The following SPAG16 variants were observed in gnomAD, a reference collection of about 807,000 sequenced individuals.
SPAG16 encodes the protein sperm-associated antigen 16 protein.
In SPAG16, 86 loss-of-function variants were observed where a neutral mutation model predicts 80.4. That is an observed-to-expected ratio of 1.07 (90% confidence interval 0.90 to 1.28). The LOEUF is 1.28. Ranked by LOEUF, SPAG16 falls within the 50% of genes most tolerant of loss-of-function variation. The pLI, the probability that SPAG16 is intolerant of heterozygous loss-of-function variation, is 0.00. For synonymous variants in SPAG16, 294 were observed against 265.9 expected, an observed-to-expected ratio of 1.11 and a Z score of -1.03; for missense variants, 870 against 765.3, an observed-to-expected ratio of 1.14 and a Z score of -1.61.
chr2:214,164,102 T>G (rs1275129803), intron 15 of SPAG16, among the ~76,000 whole-genome samples: 1 of 152,130 alleles, frequency 6.6e-6, no homozygotes, highest in African/African-American at 2.4e-5. Context: ...CTTGATGATC[T>G]TATTTCTTTC....
At chr2:213,808,070 T>G (rs1675362700) in intron 10 of SPAG16, among the ~76,000 whole-genome samples, 1 of 152,158 alleles carries the variant, frequency 6.6e-6, no homozygotes, top group African/African-American at 2.4e-5. Flanking sequence ...GATCTACCCA[T>G]GTAAAGTTAT....
chr2:213,703,503 A>G (rs1159372990), intron 10 of SPAG16, among the ~76,000 whole-genome samples: 2 of 152,208 alleles, frequency 1.3e-5, no homozygotes, highest in African/African-American at 2.4e-5. Flanking sequence ...CCTCAATTCC[A>G]TATGGAACCC....
chr2:213,615,866 A>G (rs1328250676), intron 10 of SPAG16, among the ~76,000 whole-genome samples: 1 of 152,158 alleles, frequency 6.6e-6, no homozygotes, highest in Admixed American at 6.5e-5. Context: ...GCAGTATCAC[A>G]ATAATCCTAT....
chr2:214,169,230 A>G (rs994180611), intron 15 of SPAG16, among the ~76,000 whole-genome samples: 1 of 152,060 alleles, frequency 6.6e-6, no homozygotes, highest in African/African-American at 2.4e-5. Context: ...GATGTAAATT[A>G]ATGTATTTAT....
intron 9 of SPAG16, among the ~76,000 whole-genome samples, chr2:213,412,132 C>T (rs111408125): frequency 0.024 from 3,641 of 152,250 alleles, 61 homozygotes; most frequent in African/African-American, 0.04. Flanking sequence ...TTCCGATCAC[C>T]TGCTCCACCC....
intron 10 of SPAG16, among the ~76,000 whole-genome samples, chr2:213,685,656 A>G (rs2064629266): frequency 6.6e-6 from 1 of 152,240 alleles, no homozygotes; most frequent in Admixed American, 6.5e-5. Context: ...AGGATAGAAC[A>G]ATAGGCAGGG....
chr2:213,863,611 T>C (rs1192789868), intron 11 of SPAG16, among the ~76,000 whole-genome samples: 1 of 152,064 alleles, frequency 6.6e-6, no homozygotes, highest in Non-Finnish European at 1.5e-5. Context: ...CCGTATCCAG[T>C]ATATAAATTA....
chr2:213,440,050 G>A (rs1385218721), intron 9 of SPAG16, among the ~76,000 whole-genome samples: 4 of 152,168 alleles, frequency 2.6e-5, no homozygotes, highest in African/African-American at 9.7e-5. Flanking sequence ...CTGCGTAGCT[G>A]TCAATTTTGC....
At chr2:213,848,961 T>C (rs1575343210) in intron 10 of SPAG16, among the ~76,000 whole-genome samples, 1 of 152,190 alleles carries the variant, frequency 6.6e-6, no homozygotes, top group Non-Finnish European at 1.5e-5. Context: ...ATATAACTTT[T>C]GTTAATTTCA....
chr2:213,459,135 G>A (rs567924653), intron 9 of SPAG16, among the ~76,000 whole-genome samples: 1 of 152,006 alleles, frequency 6.6e-6, no homozygotes, highest in East Asian at 1.9e-4. Flanking sequence ...CCAGCCAGTT[G>A]CTTTCTTTGG....
intron 13 of SPAG16, among the ~76,000 whole-genome samples, chr2:214,053,365 A>G (rs2049762719): frequency 6.6e-6 from 1 of 152,214 alleles, no homozygotes; most frequent in African/African-American, 2.4e-5. Context: ...TCTTTGCTTA[A>G]TAAGGCCTGA....
intron 10 of SPAG16, among the ~76,000 whole-genome samples, chr2:213,503,787 A>G (rs1435492594): frequency 6.6e-6 from 1 of 152,178 alleles, no homozygotes; most frequent in African/African-American, 2.4e-5. Context: ...TTAAAATTAA[A>G]TAAATTAAAA....
intron 15 of SPAG16, among the ~76,000 whole-genome samples, chr2:214,223,846 A>T (rs1199073846): frequency 6.6e-6 from 1 of 152,178 alleles, no homozygotes; most frequent in Non-Finnish European, 1.5e-5. Context: ...CTATACTAAT[A>T]AAGTGTGGTG....
chr2:214,236,183 T>C (rs1439111336), intron 15 of SPAG16, among the ~76,000 whole-genome samples: 1 of 152,204 alleles, frequency 6.6e-6, no homozygotes, highest in Non-Finnish European at 1.5e-5. Flanking sequence ...GTACTTGTAA[T>C]TGAAGCTCAA....
intron 15 of SPAG16, among the ~76,000 whole-genome samples, chr2:214,249,677 C>T (rs1464903970): frequency 6.6e-6 from 1 of 152,042 alleles, no homozygotes; most frequent in African/African-American, 2.4e-5. Flanking sequence ...AGCACGTAAA[C>T]ATTTAAAACT....
At chr2:214,268,721 CAAG>C (rs1181573740) in intron 15 of SPAG16, among the ~76,000 whole-genome samples, 2 of 150,822 alleles carry the variant, frequency 1.3e-5, no homozygotes, top group African/African-American at 4.8e-5. Flanking sequence ...ATGAATATAA[CAAG>C]AGGCAGCAAG....
At chr2:213,310,606 A>G (rs139660447) in intron 4 of SPAG16, among the ~76,000 whole-genome samples, 4 of 151,900 alleles carry the variant, frequency 2.6e-5, no homozygotes, top group Non-Finnish European at 5.9e-5. Flanking sequence ...TTATAGTGTA[A>G]TGGCTTGTCT....
chr2:213,297,702 A>G (rs1213191570), intron 3 of SPAG16, among the ~76,000 whole-genome samples: 3 of 152,106 alleles, frequency 2.0e-5, no homozygotes, highest in Non-Finnish European at 2.9e-5. Flanking sequence ...TTTTGTAAAC[A>G]TTTTGTGTTT....
At chr2:214,269,761 A>C (rs955523312) in intron 15 of SPAG16, among the ~76,000 whole-genome samples, 1 of 152,104 alleles carries the variant, frequency 6.6e-6, no homozygotes, top group Non-Finnish European at 1.5e-5. Context: ...ATTCAGGAGA[A>C]AATAATTGCA....
Sources: allele counts gnomAD v4.1 joint callset (sites outside exome capture counted in the v4.1 genomes callset), GRCh38; gene constraint gnomAD v4.1.1; transcripts MANE v1.5; gene names NCBI Gene and HGNC (gene_info 2026-07-23, HGNC 2026-07-21).